LRRC9: variants seen among roughly 807,000 people sequenced by gnomAD.
The protein encoded by LRRC9 is leucine-rich repeat-containing protein 9.
A neutral mutation model predicts 63.2 loss-of-function variants in LRRC9; 122 were observed. The observed-to-expected ratio is 1.93, with a 90% CI of 1.67 to 2.24. The LOEUF (loss-of-function observed/expected upper bound fraction) is 2.24, where lower values mean the gene tolerates loss of function less well. Among genes scored for constraint, LRRC9 ranks in the 30% most tolerant of loss-of-function variants. The probability of loss-of-function intolerance (pLI) is 0.00; values close to 1 mark genes in which losing one functional copy is unlikely to be tolerated. For missense variants in LRRC9, 1,071 were observed against 627.7 expected (o/e 1.71, Z -7.55); for synonymous variants, 366 against 213.1 (o/e 1.72, Z -6.25).
chr14:59,962,889 T>G lies in LRRC9; in HGVS notation c.1211+1844T>G, dbSNP rs1261383004. On this transcript the variant is annotated intron_variant, in intron 10 of 31. Transcript: ENST00000445360. The surrounding 1 kb of genome is among the most constrained non-coding windows in gnomAD (Gnocchi z 5.1). ...ATGGATTTTGATTAGCATTAACCTG[T>G]TTACTTGGTTTTAATAAGAGTAACT... 6.6e-6 allele frequency among the ~76,000 whole-genome samples: 1 copy of G among 152,216 alleles called. No individual in the cohort carries two copies. Among genetic ancestry groups the G allele is most frequent in the Non-Finnish European group, 1.5e-5 (1 of 68,026 alleles).
At chr14:59,994,849 C>T (rs548507512) in intron 17 of LRRC9, among the ~76,000 whole-genome samples, 15 of 128,688 alleles carry the variant, frequency 1.2e-4, no homozygotes, top group East Asian at 1.0e-3. Context: ...CATCACACAC[C>T]GGGGCCTGTT....
rs575049822 is a variant in LRRC9 at position 59,930,765 on chromosome 14, T to C, written c.268-153T>C. On this transcript the variant is annotated intron_variant, in intron 3 of 31. Coordinates refer to ENST00000445360, the Ensembl canonical transcript of LRRC9. This position sits in a 1 kb window ranked among gnomAD's most constrained non-coding sequence, Gnocchi z 4.9. ...GTATTTAAATGGAAAACATGGAATA[T>C]ATTTTTTTCTTTTAAAACAGTTCAT... is the stretch of plus-strand genomic sequence containing the variant. Among the ~76,000 whole-genome samples the C allele has an allele frequency of 2.0e-5, 3 of 151,942 alleles. No individual in the cohort carries two copies. In the East Asian group the frequency reaches 5.8e-4, roughly 29 times the overall value.
At chr14:60,000,700 C>A (rs1889278190) in intron 19 of LRRC9, among the ~76,000 whole-genome samples, 1 of 151,968 alleles carries the variant, frequency 6.6e-6, no homozygotes, top group African/African-American at 2.4e-5. Flanking sequence ...ATCATTATGA[C>A]CTTGAATTTG....
At chr14:59,987,290 A>T (rs1451654816) in intron 17 of LRRC9, among the ~76,000 whole-genome samples, 1 of 151,038 alleles carries the variant, frequency 6.6e-6, no homozygotes, top group Admixed American at 6.6e-5. Flanking sequence ...TGCCATTTTT[A>T]AAAAATGTAA....
chr14:59,974,076 T>A (rs751770799), intron 12 of LRRC9, among the ~76,000 whole-genome samples: 14 of 152,078 alleles, frequency 9.2e-5, no homozygotes, highest in Non-Finnish European at 1.8e-4. Context: ...ACATTACCGA[T>A]AGAATACTTT....
chr14:59,993,762 ACTAT>A (rs1028575405), intron 17 of LRRC9, among the ~76,000 whole-genome samples: 11 of 152,236 alleles, frequency 7.2e-5, no homozygotes, highest in African/African-American at 2.7e-4. Flanking sequence ...AGAAGAGCTA[ACTAT>A]CCTAAATATA....
At chr14:60,054,058 G>A (rs1894096809) in intron 30 of LRRC9, 1 of 360,674 alleles carries the variant, frequency 2.8e-6, no homozygotes, top group Non-Finnish European at 5.3e-6. Flanking sequence ...TAGAGTCCAT[G>A]AACAGAGGTG....
rs1382776345 is a variant in LRRC9, at chr14:59,962,541, T to C, written c.1211+1496T>C. Among the ~76,000 whole-genome samples the C allele has an allele frequency of 1.3e-5, 2 of 151,814 alleles. No individual in the cohort carries two copies. Among genetic ancestry groups the C allele is most frequent in the African/African-American group, 2.4e-5 (1 of 41,320 alleles). On this transcript the variant is annotated intron_variant, in intron 10 of 31. Coordinates refer to ENST00000445360, the Ensembl canonical transcript of LRRC9. The surrounding 1 kb of genome is among the most constrained non-coding windows in gnomAD (Gnocchi z 5.1). ...GCCTCAGACTCCCGAGTAGCTAAGA[T>C]TATAGGTGCATGCCACCACACCCAC...
At chr14:59,974,775 T>C (rs1885932244) in intron 13 of LRRC9, 67 bp downstream of exon 13, 1 of 544,310 alleles carries the variant, frequency 1.8e-6, no homozygotes, top group Non-Finnish European at 3.2e-6. Flanking sequence ...ATTATTTTTA[T>C]ATCGTTTCTG....
rs1278152285 is a variant in LRRC9 at position 59,931,956 on chromosome 14, C to T, written c.473-13C>T. The T allele has an allele frequency of 1.0e-5, 7 of 697,292 alleles. No individual in the cohort carries two copies. In the Admixed American group the frequency reaches 1.4e-4, roughly 14 times the overall value. 43.2% of individuals were successfully genotyped at this position (697,292 alleles called of 1,614,324 possible). A position where few individuals can be genotyped will look rare whatever the true frequency, so the allele number is the denominator to read the frequency against. On this transcript the variant is annotated splice_polypyrimidine_tract_variant and intron_variant, in intron 5 of 31. Transcript: ENST00000445360. ...GGTAAAATAATTGAATTCTTTTCGT[C>T]TATTTTTTAAAGGTCGATGTCTTGA...
intron 29 of LRRC9, among the ~76,000 whole-genome samples, chr14:60,035,464 G>T (rs901962585): frequency 1.3e-5 from 2 of 152,090 alleles, no homozygotes; most frequent in African/African-American, 2.4e-5. Flanking sequence ...TCTTCTAGTA[G>T]TTTCATAGTT....
intron 23 of LRRC9, 139 bp from the exon 24 acceptor site, chr14:60,016,521 T>G: frequency 2.0e-6 from 1 of 500,798 alleles, no homozygotes; most frequent in Non-Finnish European, 3.6e-6. Context: ...TTGTTTCATA[T>G]ATAATGCACA....
At chr14:59,946,611 T>G (rs1368651268) in intron 8 of LRRC9, among the ~76,000 whole-genome samples, 2 of 146,270 alleles carry the variant, frequency 1.4e-5, no homozygotes, top group African/African-American at 2.5e-5. Context: ...ACCCACTAAC[T>G]CGTCATCTAG....
At chr14:59,963,647 A>C (rs1343655470) in intron 10 of LRRC9, among the ~76,000 whole-genome samples, 2 of 152,232 alleles carry the variant, frequency 1.3e-5, no homozygotes, top group Non-Finnish European at 2.9e-5. Context: ...AGCCCAGTAC[A>C]TATTTACTAG....
At position 60,040,247 on chromosome 14, in the gene LRRC9, G is replaced by A. The variant is rs537254752; in HGVS notation, c.3990+8184G>A. Reference sequence around the variant, plus strand: ...AGAATGTACATTTTGTTGATTTGCAGTGGAGAGTTCTGTAGATGTCTATTA... The same window carrying A: ...AGAATGTACATTTTGTTGATTTGCAATGGAGAGTTCTGTAGATGTCTATTA... On this transcript the variant is annotated intron_variant, in intron 29 of 31. Coordinates refer to ENST00000445360, the Ensembl canonical transcript of LRRC9. Among the ~76,000 whole-genome samples, 175 of 152,112 alleles carry A rather than the reference G, an allele frequency of 1.2e-3. 2 individuals are homozygous for A. The highest frequency in any genetic ancestry group is 4.1e-3 in the African/African-American group (170 of 41,358).
At chr14:60,030,830 T>TAA (rs202235311) in intron 28 of LRRC9, among the ~76,000 whole-genome samples, 3 of 150,954 alleles carry the variant, frequency 2.0e-5, no homozygotes, top group Admixed American at 1.3e-4. Flanking sequence ...CACACTACTG[T>TAA]AAAAAAAAAT....
intron 17 of LRRC9, among the ~76,000 whole-genome samples, chr14:59,995,733 T>G: frequency 6.6e-6 from 1 of 151,328 alleles, no homozygotes; most frequent in African/African-American, 2.4e-5. Context: ...AGGTTTTTTT[T>G]TTGTTATATT....
At chr14:60,033,381 C>T (rs1277369539) in intron 29 of LRRC9, among the ~76,000 whole-genome samples, 1 of 152,054 alleles carries the variant, frequency 6.6e-6, no homozygotes, top group Non-Finnish European at 1.5e-5. Flanking sequence ...TTACTAATTT[C>T]AAAAGAATGC....
In LRRC9 at chr14:59,986,949, A is replaced by G. The variant is rs559827976; in HGVS notation, c.2211+1725A>G. 6.6e-6 allele frequency among the ~76,000 whole-genome samples: 1 copy of G among 152,140 alleles called. No individual in the cohort carries two copies. The highest frequency in any genetic ancestry group is 1.5e-5 in the Non-Finnish European group (1 of 68,008). On this transcript the variant is annotated intron_variant, in intron 17 of 31. Coordinates refer to ENST00000445360, the Ensembl canonical transcript of LRRC9. The surrounding 1 kb of genome is among the most constrained non-coding windows in gnomAD (Gnocchi z 4.7). ...CAAGTCTCTAAAAATGACTCTAAGG[A>G]TATTAGAGGTGGCCAGAGAGAGGAG... is the stretch of plus-strand genomic sequence containing the variant.
Sources: gnomAD v4.1 joint callset for allele counts (sites outside exome capture counted in the v4.1 genomes callset) on GRCh38, gnomAD v4.1.1 for gene constraint, Gnocchi (gnomAD v3.1) non-coding constraint, MANE v1.5 for transcripts, NCBI Gene and HGNC (gene_info 2026-07-23, HGNC 2026-07-21) for gene names.